The following PELP1 variants were observed in gnomAD, a reference collection of about 807,000 sequenced individuals.
PELP1 encodes the protein proline-, glutamic acid- and leucine-rich protein 1.
Under a neutral mutation model 95.5 loss-of-function variants are expected in PELP1, and 32 were observed. The ratio of observed to expected loss-of-function variants is 0.34; its 90% CI spans 0.25 to 0.45. The LOEUF is 0.45. Among genes scored for constraint, PELP1 ranks in the 20% least tolerant of loss-of-function variants. The probability of loss-of-function intolerance (pLI) is 1.00; values close to 1 mark genes in which losing one functional copy is unlikely to be tolerated. For synonymous variants in PELP1, 668 were observed against 600.1 expected (o/e 1.11, Z -1.65); for missense variants, 1,358 against 1,444.8 (o/e 0.94, Z 0.97).
Position 4,673,326 on chromosome 17 carries a change from G to T in PELP1, c.1769C>A (p.Pro590Gln). ...YCLLLALLLA[P>Q]SPRCPPPLAC... ...AAGAGGAGGTGGGCAGCGAGGAGACGGGGCCAGCAGCAGCGCCAGCAGCAG... is the reference window on the plus strand; with the variant it reads ...AAGAGGAGGTGGGCAGCGAGGAGACTGGGCCAGCAGCAGCGCCAGCAGCAG... The change falls in exon 15 of 17, where the codon CCG (proline) becomes CAG (glutamine). Residue 590 changes from proline to glutamine, a missense_variant. Physicochemically the swap from Pro to Gln is moderately conservative, Grantham distance 76. Transcript: ENST00000572293. The surrounding 1 kb of genome is among the most constrained non-coding windows in gnomAD (Gnocchi z 5.7). 1.3e-6 allele frequency: 2 copies of T among 1,590,960 alleles called. No homozygotes were observed. The highest frequency in any genetic ancestry group is 1.7e-6 in the Non-Finnish European group (2 of 1,168,918).
chr17:4,671,711 CCTCTGT>C lies in PELP1; in HGVS notation c.3274_3279del (p.Thr1092_Glu1093del), dbSNP rs756658722. ...CTCACCTTTTCCTGGAGAGCTTCGGCCTCTGTCTCTGTCTCCATCTCTTCTTCTGCA... is the reference window on the plus strand; with the variant it reads ...CTCACCTTTTCCTGGAGAGCTTCGGCCTCTGTCTCCATCTCTTCTTCTGCA... On this transcript the variant is annotated inframe_deletion, in exon 16 of 17. Transcript: ENST00000572293. 2 of 1,558,184 alleles carry C rather than the reference CCTCTGT, an allele frequency of 1.3e-6. No individual in the cohort carries two copies. The highest frequency in any genetic ancestry group is 1.4e-5 in the African/African-American group (1 of 72,354).
chr17:4,675,883 A>G lies in PELP1; in HGVS notation c.982T>C (p.Ser328Pro). ...LARCLGLMLS[S>P]EFGAPVSVPV... ...ACGGACACGGGAGCTCCAAACTCAG[A>G]GCTAAAGAGAATCAGAGCAGGGAGA... Residue 328 changes from serine to proline, a missense_variant and splice_region_variant, in exon 9 of 17, where the codon TCT becomes CCT. Physicochemically the swap from Ser to Pro is moderately conservative, Grantham distance 74 (BLOSUM62 -1). Transcript: ENST00000572293. This position sits in a 1 kb window ranked among gnomAD's most constrained non-coding sequence, Gnocchi z 4.3. 6.3e-7 allele frequency: 1 copy of G among 1,589,974 alleles called. No individual in the cohort carries two copies. The highest frequency in any genetic ancestry group is 1.8e-5 in the Admixed American group (1 of 55,554).
At chr17:4,686,874 C>T (rs1055978830) in intron 3 of PELP1, among the ~76,000 whole-genome samples, 1 of 152,120 alleles carries the variant, frequency 6.6e-6, no homozygotes, top group African/African-American at 2.4e-5. Context: ...TAAAACCTTC[C>T]ATGAGTTGCC....
At chr17:4,689,844 G>A (rs1913031898) in intron 3 of PELP1, among the ~76,000 whole-genome samples, 1 of 152,134 alleles carries the variant, frequency 6.6e-6, no homozygotes, top group African/African-American at 2.4e-5. Context: ...TAGCCAACAT[G>A]GTGAAACCCC....
At position 4,672,067 on chromosome 17, in the gene PELP1, CCTT is replaced by C; in HGVS notation, c.2921_2923del (p.Glu974del). 1.3e-6 allele frequency: 2 copies of C among 1,556,148 alleles called. No homozygotes were observed. Among genetic ancestry groups the C allele is most frequent in the Non-Finnish European group, 1.7e-6 (2 of 1,149,714 alleles). On this transcript the variant is annotated inframe_deletion, in exon 16 of 17. Transcript: ENST00000572293. ...AGGCAGGGTTGGGGGTGGAGGTGCACCTTCTTCTACCTCCCCTCCTGCTGTGCC... is the reference window on the plus strand; with the variant it reads ...AGGCAGGGTTGGGGGTGGAGGTGCACCTTCTACCTCCCCTCCTGCTGTGCC...
At position 4,674,591 on chromosome 17, in the gene PELP1, C is replaced by T; in HGVS notation, c.1501G>A (p.Val501Met). 11 of 1,610,928 alleles carry T rather than the reference C, an allele frequency of 6.8e-6. No individual in the cohort carries two copies. Among genetic ancestry groups the T allele is most frequent in the Non-Finnish European group, 9.3e-6 (11 of 1,179,012 alleles). The change falls in exon 13 of 17, where the codon GTG (valine) becomes ATG (methionine). Residue 501 changes from valine (V) to methionine (M), a missense_variant. Physicochemically the swap from Val to Met is conservative, Grantham distance 21. This residue lies in a region of PELP1 where 538 missense variants were observed against 628.1 expected (regional missense o/e 0.86). Coordinates refer to ENST00000572293, the MANE Select transcript of PELP1 (RefSeq NM_014389.3). ...CTTGGCGGGGCCATAGCTTCCCCCA[C>T]ATCCAGCTTTAGCTTCTTGGGGGCG... ...PSAPKKLKLD[V>M]GEAMAPPSHR...
chr17:4,674,047 G>A (rs1022479539), intron 13 of PELP1, among the ~76,000 whole-genome samples: 3 of 152,176 alleles, frequency 2.0e-5, no homozygotes, highest in Non-Finnish European at 2.9e-5. Context: ...CAGTGGTTAC[G>A]GTGAGAGCAG....
Position 4,671,543 on chromosome 17 carries a change from A to T in PELP1, c.3301-12T>A. 1.2e-6 allele frequency: 2 copies of T among 1,613,650 alleles called. No individual in the cohort carries two copies. The highest frequency in any genetic ancestry group is 1.7e-6 in the Non-Finnish European group (2 of 1,179,796). On this transcript the variant is annotated splice_polypyrimidine_tract_variant and intron_variant, in intron 16 of 16. Coordinates refer to ENST00000572293, the MANE Select transcript of PELP1 (RefSeq NM_014389.3). The stretch of plus-strand genomic sequence containing the variant: ...GTGTCATCCTGCTCCTTTTAGGCAC[A>T]AAGATACAAGATTCAGAATAGTCAC...
chr17:4,698,008 G>GTT (rs60403748), intron 1 of PELP1, among the ~76,000 whole-genome samples: 48 of 133,590 alleles, frequency 3.6e-4, no homozygotes, highest in African/African-American at 4.2e-4. Context: ...TTTCTGCAAG[G>GTT]TTTTTTTTTT....
At chr17:4,693,925 A>G (rs928460907) in intron 1 of PELP1, among the ~76,000 whole-genome samples, 2 of 152,158 alleles carry the variant, frequency 1.3e-5, no homozygotes, top group Non-Finnish European at 2.9e-5. Context: ...AGCCGGGCAC[A>G]ATGGCACCCG....
chr17:4,702,047 G>A (rs1043404409), intron 1 of PELP1, among the ~76,000 whole-genome samples: 3 of 152,184 alleles, frequency 2.0e-5, no homozygotes, highest in African/African-American at 7.2e-5. Context: ...GGGAGGAGAG[G>A]AAGTCCTGAA....
At chr17:4,685,484 T>C (rs1468497225) in intron 3 of PELP1, among the ~76,000 whole-genome samples, 1 of 152,116 alleles carries the variant, frequency 6.6e-6, no homozygotes, top group Non-Finnish European at 1.5e-5. Context: ...CACTGAAGAC[T>C]CTTCCCCCTA....
intron 3 of PELP1, among the ~76,000 whole-genome samples, chr17:4,685,699 G>T (rs919293220): frequency 5.9e-5 from 9 of 151,554 alleles, no homozygotes; most frequent in African/African-American, 2.2e-4. Context: ...GGTGCGGTGG[G>T]GGGTACTGAT....
chr17:4,673,284 G>T lies in PELP1; in HGVS notation c.1811C>A (p.Ala604Asp). 1 of 1,580,198 alleles carries T rather than the reference G, an allele frequency of 6.3e-7. No individual in the cohort carries two copies. Residue 604 changes from alanine (A) to aspartate (D), a missense_variant, in exon 15 of 17, where the codon GCC becomes GAC. Ala to Asp is a moderately radical substitution (Grantham distance 126). This residue lies in a region of PELP1 where 538 missense variants were observed against 628.1 expected (regional missense o/e 0.86). Coordinates refer to ENST00000572293, the MANE Select transcript of PELP1 (RefSeq NM_014389.3). This position sits in a 1 kb window ranked among gnomAD's most constrained non-coding sequence, Gnocchi z 5.7. ...ATCTTCTCGCTGGCCGAGGGAGAAG[G>T]CTTGCAGGGCACAGGCAAGAGGAGG... ...CPPPLACALQ[A>D]FSLGQREDSL...
rs574430870 is a variant in PELP1, at chr17:4,683,321, C to T, written c.421-369G>A. Among the ~76,000 whole-genome samples, 29 of 150,464 alleles carry T rather than the reference C, an allele frequency of 1.9e-4. No homozygotes were observed. In the South Asian group the frequency reaches 2.8e-3, roughly 14 times the overall value. The stretch of plus-strand genomic sequence containing the variant: ...CTGCAAGCTCCGCCTCCCGGGTTCA[C>T]GCCATTCTCCTGCCTCAGCCTCCCG... On this transcript the variant is annotated intron_variant, in intron 3 of 16. Transcript: ENST00000572293.
rs142382283 is a variant in PELP1 at position 4,681,489 on chromosome 17, C to T, written c.642+1013G>A. 2.8e-3 allele frequency among the ~76,000 whole-genome samples: 423 copies of T among 148,428 alleles called. 4 individuals carry two copies. The highest frequency in any genetic ancestry group is 9.9e-3 in the African/African-American group (400 of 40,248). ...TCACACCACTGCACTCCAGTCTGGG[C>T]GACAGAGACTCTCTCAAAAAAAAAT... On this transcript the variant is annotated intron_variant, in intron 5 of 16. Transcript: ENST00000572293.
rs61195131 is a variant in PELP1 at position 4,700,928 on chromosome 17, C to CAAA, written c.249+2932_249+2934dup. 1.8e-4 allele frequency among the ~76,000 whole-genome samples: 18 copies of CAAA among 102,656 alleles called. No individual in the cohort carries two copies. The South Asian group carries it at 2.3e-3, about 13-fold the overall frequency. 67.3% of individuals were successfully genotyped at this position (102,656 alleles called of 152,430 possible). A position where few individuals can be genotyped will look rare whatever the true frequency, so the allele number is the denominator to read the frequency against. ...CCTGAGTTAGAGTAAGGCCCTATCT[C>CAAA]AAAAAAAAAAAAAAGAAAAGAAAAG... On this transcript the variant is annotated intron_variant, in intron 1 of 16. Coordinates refer to ENST00000572293, the MANE Select transcript of PELP1 (RefSeq NM_014389.3).
chr17:4,691,348 C>T, intron 2 of PELP1, 30 bp downstream of exon 2: 1 of 1,552,432 alleles, frequency 6.4e-7, no homozygotes. Context: ...GGAACACGCC[C>T]CTGGAGAAAA....
chr17:4,685,727 A>G (rs1046667346), intron 3 of PELP1, among the ~76,000 whole-genome samples: 1 of 151,296 alleles, frequency 6.6e-6, no homozygotes, highest in Non-Finnish European at 1.5e-5. Flanking sequence ...CCAGAGGTCA[A>G]GGCTGCAGTC....
Sources: allele counts gnomAD v4.1 joint callset (sites outside exome capture counted in the v4.1 genomes callset), GRCh38; gene constraint gnomAD v4.1.1; regional missense constraint gnomAD v4.1.1; non-coding constraint Gnocchi (gnomAD v3.1); transcripts MANE v1.5; gene names NCBI Gene and HGNC (gene_info 2026-07-23, HGNC 2026-07-21).